The following WDR27 variants were observed in gnomAD, a reference collection of about 807,000 sequenced individuals.
WDR27 encodes the protein WD repeat domain 27.
A neutral mutation model predicts 114.4 loss-of-function variants in WDR27; 100 were observed. The ratio of observed to expected loss-of-function variants is 0.87; its 90% CI spans 0.74 to 1.03. WDR27 has a LOEUF of 1.03. Ranked by LOEUF, WDR27 falls within the 50% of genes least tolerant of loss-of-function variation. The pLI is 0.00. For synonymous variants in WDR27, 449 were observed against 423.1 expected (o/e 1.06, Z -0.75); for missense variants, 1,129 against 1,092.9 (o/e 1.03, Z -0.47).
chr6:169,629,927 C>CA (rs747455041), intron 21 of WDR27, among the ~76,000 whole-genome samples: 5,373 of 51,186 alleles, frequency 0.1, 211 homozygotes, highest in Middle Eastern at 0.15. Flanking sequence ...AACTTCATCT[C>CA]AAAAAAAAAA....
chr6:169,665,543 G>C lies in WDR27; in HGVS notation c.726C>G (p.Leu242=). ...TGCTTTCTGCATCAATGAATAAACT[G>C]AGAAGAGGATATGCTGGTGAAAGGA... ...SSSVLSAYPL[L]SLFIDAESRQ... The change falls in exon 7 of 26, where the codon CTC becomes CTG. Residue 242 remains leucine (L), a synonymous_variant. Coordinates refer to ENST00000448612, the MANE Select transcript of WDR27 (RefSeq NM_182552.5). The C allele has an allele frequency of 6.2e-7, 1 of 1,613,764 alleles. No individual in the cohort carries two copies.
the WDR27 span, among the ~76,000 whole-genome samples, chr6:169,439,917 C>T: frequency 2.7e-5 from 4 of 147,026 alleles, no homozygotes; most frequent in African/African-American, 1.0e-4. Flanking sequence ...GTTATATTAC[C>T]AATATTATTA....
chr6:169,454,759 A>G (rs1166456992), downstream of WDR27, among the ~76,000 whole-genome samples: 2 of 152,196 alleles, frequency 1.3e-5, no homozygotes, highest in African/African-American at 4.8e-5. Context: ...TCACGCAAGC[A>G]CCAGAAGGAA....
chr6:169,661,498 G>A (rs1429936048), intron 9 of WDR27, among the ~76,000 whole-genome samples: 2 of 152,156 alleles, frequency 1.3e-5, no homozygotes, highest in African/African-American at 4.8e-5. Context: ...TCCGCCCCAG[G>A]CAGCACCCTG....
rs186606753 is a variant in WDR27 at position 169,567,727 on chromosome 6, C to T, written c.2645+4692G>A. On this transcript the variant is annotated intron_variant, in intron 25 of 25. Coordinates refer to ENST00000448612, the MANE Select transcript of WDR27 (RefSeq NM_182552.5). ...CTCTCCAACCCCTTCAGCCCCACAGCGGATTCCTGTCTTAGAAGAGGCAAA... is the reference window on the plus strand; with the variant it reads ...CTCTCCAACCCCTTCAGCCCCACAGTGGATTCCTGTCTTAGAAGAGGCAAA... Among the ~76,000 whole-genome samples, 8 of 152,288 alleles carry T rather than the reference C, an allele frequency of 5.3e-5. No homozygotes were observed. The East Asian group carries it at 1.2e-3, about 22-fold the overall frequency.
chr6:169,449,817 T>C, the WDR27 span, among the ~76,000 whole-genome samples: 7 of 152,142 alleles, frequency 4.6e-5, no homozygotes, highest in Non-Finnish European at 8.8e-5. Flanking sequence ...CGTATGTCCA[T>C]AACCATCGTG....
At chr6:169,587,527 T>C (rs1360041800) in intron 23 of WDR27, among the ~76,000 whole-genome samples, 2 of 152,170 alleles carry the variant, frequency 1.3e-5, no homozygotes, top group Non-Finnish European at 2.9e-5. Context: ...CCCTCAATGA[T>C]TTCCTTAATG....
intron 1 of WDR27, 73 bp from the exon 2 acceptor site, chr6:169,689,085 T>C (rs1301553516): frequency 1.7e-5 from 17 of 1,019,044 alleles, no homozygotes; most frequent in Middle Eastern, 2.7e-4. Context: ...TATTACCTAC[T>C]GATAGTTACT....
At position 169,675,319 on chromosome 6, in the gene WDR27, C is replaced by G. The variant is rs369710302; in HGVS notation, c.190-2923G>C. Reference sequence around the variant, plus strand: ...CCCCATGCCTTGCTCCTGTTTTTGCCATATGACATGCCTGTTTTCCCTTTG... The same window carrying G: ...CCCCATGCCTTGCTCCTGTTTTTGCGATATGACATGCCTGTTTTCCCTTTG... On this transcript the variant is annotated intron_variant, in intron 2 of 25. Coordinates refer to ENST00000448612, the MANE Select transcript of WDR27 (RefSeq NM_182552.5). Among the ~76,000 whole-genome samples the G allele has an allele frequency of 2.3e-4, 35 of 152,252 alleles. No individual in the cohort carries two copies. The South Asian group carries it at 4.1e-3, about 18-fold the overall frequency.
At chr6:169,579,377 G>A (rs1373930382) in intron 24 of WDR27, among the ~76,000 whole-genome samples, 1 of 152,140 alleles carries the variant, frequency 6.6e-6, no homozygotes, top group Non-Finnish European at 1.5e-5. Context: ...TAAATTTATA[G>A]AGAGTGAGAA....
intron 12 of WDR27, 46 bp from the exon 13 acceptor site, chr6:169,658,404 T>C: frequency 6.9e-7 from 1 of 1,445,106 alleles, no homozygotes; most frequent in Non-Finnish European, 9.5e-7. Flanking sequence ...CAAACGACGA[T>C]ACGATGGAAA....
At chr6:169,523,907 T>C (rs1220713072) in intron 25 of WDR27, among the ~76,000 whole-genome samples, 2 of 152,162 alleles carry the variant, frequency 1.3e-5, no homozygotes, top group South Asian at 2.1e-4. Context: ...ACTTTTACCA[T>C]GTTTTTTCCA....
intron 1 of WDR27, among the ~76,000 whole-genome samples, chr6:169,691,806 T>C (rs1176942597): frequency 6.6e-6 from 1 of 152,214 alleles, no homozygotes; most frequent in African/African-American, 2.4e-5. Flanking sequence ...ACATAGATTA[T>C]CATTATTACA....
At chr6:169,687,586 A>G (rs985293321) in intron 2 of WDR27, among the ~76,000 whole-genome samples, 3 of 152,186 alleles carry the variant, frequency 2.0e-5, no homozygotes, top group East Asian at 1.9e-4. Context: ...ATATGGTTCA[A>G]CTGAAAGTCA....
intron 4 of WDR27, among the ~76,000 whole-genome samples, chr6:169,669,068 C>CCATT (rs1828668705): frequency 6.6e-6 from 1 of 152,102 alleles, no homozygotes; most frequent in Non-Finnish European, 1.5e-5. Context: ...TAAAGCTAGT[C>CCATT]CATTGTCTAT....
chr6:169,450,558 C>T, the WDR27 span, among the ~76,000 whole-genome samples: 1 of 152,084 alleles, frequency 6.6e-6, no homozygotes, highest in African/African-American at 2.4e-5. Flanking sequence ...ATATCATTCA[C>T]ATACATGGCA....
chr6:169,497,234 T>C (rs897295240), intron 25 of WDR27, among the ~76,000 whole-genome samples: 2 of 152,102 alleles, frequency 1.3e-5, no homozygotes, highest in African/African-American at 2.4e-5. Flanking sequence ...ATGAATGAAG[T>C]TGGAACTTTA....
At chr6:169,664,392 G>A in intron 7 of WDR27, 106 bp from the exon 8 acceptor site, 1 of 1,579,306 alleles carries the variant, frequency 6.3e-7, no homozygotes, top group South Asian at 1.1e-5. Context: ...CACAGGACGG[G>A]CCCTCCACGG....
chr6:169,664,371 G>A lies in WDR27; in HGVS notation c.784-85C>T, dbSNP rs1409666350. The A allele has an allele frequency of 2.5e-6, 4 of 1,601,242 alleles. No homozygotes were observed. The Admixed American group carries it at 6.7e-5, about 27-fold the overall frequency. ...GCAACACCAGAGGTGGAGCAGGGAGGGCAGACACGTCACAGGACGGGCCCT... is the reference window on the plus strand; with the variant it reads ...GCAACACCAGAGGTGGAGCAGGGAGAGCAGACACGTCACAGGACGGGCCCT... On this transcript the variant is annotated intron_variant, in intron 7 of 25. Coordinates refer to ENST00000448612, the MANE Select transcript of WDR27 (RefSeq NM_182552.5).
Sources: gnomAD v4.1 joint callset for allele counts (sites outside exome capture counted in the v4.1 genomes callset) on GRCh38, gnomAD v4.1.1 for gene constraint, MANE v1.5 for transcripts, NCBI Gene and HGNC (gene_info 2026-07-23, HGNC 2026-07-21) for gene names.